CLNK: variants seen among roughly 807,000 people sequenced by gnomAD.
CLNK encodes the protein cytokine dependent hematopoietic cell linker.
A neutral mutation model predicts 68.6 loss-of-function variants in CLNK; 74 were observed. That is an observed-to-expected ratio of 1.08 (90% CI 0.89 to 1.31). The LOEUF is 1.31. Ranked by LOEUF, CLNK falls within the 50% of genes most tolerant of loss-of-function variation. The pLI, the probability that CLNK is intolerant of heterozygous loss-of-function variation, is 0.00. For synonymous variants in CLNK, 198 were observed against 172.2 expected, an observed-to-expected ratio of 1.15 and a Z score of -1.17; for missense variants, 553 against 515.3, an observed-to-expected ratio of 1.07 and a Z score of -0.71.
the CLNK span, among the ~76,000 whole-genome samples, chr4:10,728,407 T>TGG: frequency 6.6e-6 from 1 of 151,532 alleles, no homozygotes; most frequent in African/African-American, 2.4e-5. Flanking sequence ...TGTGTGTGTG[T>TGG]GTGTGTGTAG....
At chr4:10,549,362 T>G (rs1719358486) in intron 8 of CLNK, among the ~76,000 whole-genome samples, 2 of 152,196 alleles carry the variant, frequency 1.3e-5, no homozygotes, top group African/African-American at 4.8e-5. Context: ...CCAGAAAGCT[T>G]CTTAAAATTT....
At chr4:10,626,920 C>T (rs1722696769) in intron 2 of CLNK, among the ~76,000 whole-genome samples, 1 of 152,170 alleles carries the variant, frequency 6.6e-6, no homozygotes. Flanking sequence ...TCAGTTTCTT[C>T]ACCTGTAAAA....
At chr4:10,652,381 CAAA>C (rs67304153) in intron 2 of CLNK, among the ~76,000 whole-genome samples, 580 of 50,664 alleles carry the variant, frequency 0.011, 4 homozygotes, top group African/African-American at 0.044. Flanking sequence ...GACTCTGTCT[CAAA>C]AAAAAAAAAA....
At chr4:10,590,068 C>T (rs1475526156) in intron 3 of CLNK, among the ~76,000 whole-genome samples, 3 of 152,106 alleles carry the variant, frequency 2.0e-5, no homozygotes, top group South Asian at 2.1e-4. Context: ...TCTCTATTTC[C>T]GGTGTATATA....
At chr4:10,667,706 C>T (rs1377608622) in intron 2 of CLNK, among the ~76,000 whole-genome samples, 153 bp downstream of exon 2, 1 of 78,532 alleles carries the variant, frequency 1.3e-5, no homozygotes, top group African/African-American at 4.7e-5. Flanking sequence ...GTTCTGAACA[C>T]CAAAGCCCAC....
intron 2 of CLNK, among the ~76,000 whole-genome samples, chr4:10,621,040 A>G (rs1722432410): frequency 6.6e-6 from 1 of 151,938 alleles, no homozygotes; most frequent in Non-Finnish European, 1.5e-5. Context: ...AACCCGGGAG[A>G]CAGAGCTTGC....
chr4:10,594,588 C>A (rs1168909512), intron 3 of CLNK, among the ~76,000 whole-genome samples: 1 of 152,184 alleles, frequency 6.6e-6, no homozygotes, highest in East Asian at 1.9e-4. Flanking sequence ...GCTCTAGGAG[C>A]CACAGCTACC....
chr4:10,591,589 C>T (rs781674327), intron 3 of CLNK, among the ~76,000 whole-genome samples: 21 of 152,330 alleles, frequency 1.4e-4, no homozygotes, highest in Non-Finnish European at 2.1e-4. Flanking sequence ...CAAAGTGAGA[C>T]GGGCCAGAGA....
At chr4:10,510,786 C>A in intron 16 of CLNK, among the ~76,000 whole-genome samples, 1 of 152,222 alleles carries the variant, frequency 6.6e-6, no homozygotes, top group East Asian at 1.9e-4. Context: ...TTCTATTGAT[C>A]CCAGGTCTTT....
intron 3 of CLNK, among the ~76,000 whole-genome samples, chr4:10,593,740 G>T (rs1005975773): frequency 1.3e-5 from 2 of 152,226 alleles, no homozygotes; most frequent in African/African-American, 4.8e-5. Flanking sequence ...TGGGCCCTGA[G>T]AAATTATGGC....
At chr4:10,589,194 A>G (rs1474469234) in intron 3 of CLNK, among the ~76,000 whole-genome samples, 1 of 152,244 alleles carries the variant, frequency 6.6e-6, no homozygotes. Context: ...GCCGTTAGGC[A>G]TTTCCAGCTC....
intron 4 of CLNK, among the ~76,000 whole-genome samples, chr4:10,581,554 G>C (rs1720782083): frequency 6.6e-6 from 1 of 152,130 alleles, no homozygotes; most frequent in African/African-American, 2.4e-5. Flanking sequence ...GTTCTAAGTA[G>C]GTGGCCCTTG....
chr4:10,716,499 C>T, the CLNK span, among the ~76,000 whole-genome samples: 1 of 151,898 alleles, frequency 6.6e-6, no homozygotes, highest in Non-Finnish European at 1.5e-5. Flanking sequence ...GGCTAGGGAC[C>T]TCTAAACCTA....
chr4:10,505,511 A>G (rs1441875514), intron 17 of CLNK, among the ~76,000 whole-genome samples: 1 of 152,218 alleles, frequency 6.6e-6, no homozygotes, highest in Non-Finnish European at 1.5e-5. Flanking sequence ...TGTAAAACAG[A>G]AGCGTATTCT....
At chr4:10,581,467 G>A (rs539793386) in intron 4 of CLNK, among the ~76,000 whole-genome samples, 5 of 152,138 alleles carry the variant, frequency 3.3e-5, no homozygotes, top group East Asian at 1.9e-4. Flanking sequence ...CTAATAATTC[G>A]AAGCCACAGA....
chr4:10,661,266 G>A (rs1425245947), intron 2 of CLNK, among the ~76,000 whole-genome samples: 1 of 152,196 alleles, frequency 6.6e-6, no homozygotes, highest in Non-Finnish European at 1.5e-5. Flanking sequence ...CTGTGTGCCA[G>A]ACATTGAGCC....
At chr4:10,635,724 G>A (rs959849582) in intron 2 of CLNK, 1 of 152,142 alleles carries the variant, frequency 6.6e-6, no homozygotes, top group Non-Finnish European at 1.5e-5. Context: ...GTTGGATTGG[G>A]TTATTATTCC....
intron 1 of CLNK, among the ~76,000 whole-genome samples, chr4:10,670,378 C>T (rs1162346294): frequency 6.6e-6 from 1 of 152,234 alleles, no homozygotes; most frequent in Non-Finnish European, 1.5e-5. Flanking sequence ...TATACAGCTA[C>T]TTCATTCTTC....
intron 3 of CLNK, among the ~76,000 whole-genome samples, chr4:10,594,049 C>T (rs1338958667): frequency 1.3e-5 from 2 of 152,144 alleles, no homozygotes; most frequent in South Asian, 4.1e-4. Flanking sequence ...TCTGTGTCTG[C>T]CATGGTGCAT....
Sources: allele counts gnomAD v4.1 joint callset (sites outside exome capture counted in the v4.1 genomes callset), GRCh38; gene constraint gnomAD v4.1.1; transcripts MANE v1.5; gene names NCBI Gene and HGNC (gene_info 2026-07-23, HGNC 2026-07-21).